Variants in NPTXR observed in about 807,000 individuals in gnomAD.
The protein encoded by NPTXR is neuronal pentraxin receptor.
NPTXR carries 12 observed loss-of-function variants against 32.2 expected under a neutral mutation model. The observed-to-expected ratio is 0.37, with a 90% CI of 0.24 to 0.60. NPTXR has a LOEUF of 0.60. NPTXR is among the 20% of genes least tolerant of loss of function. The pLI is 0.66. For synonymous variants in NPTXR, 323 were observed against 315.8 expected (o/e 1.02, Z -0.24); for missense variants, 612 against 682.9 (o/e 0.90, Z 1.16).
At chr22:38,832,515 A>G (rs554585463) in intron 1 of NPTXR, among the ~76,000 whole-genome samples, 1 of 152,230 alleles carries the variant, frequency 6.6e-6, no homozygotes, top group African/African-American at 2.4e-5. Flanking sequence ...TGCTGGGCTC[A>G]TTAGCACTCA....
chr22:38,833,465 T>A (rs1055751974), intron 1 of NPTXR, among the ~76,000 whole-genome samples: 1 of 152,202 alleles, frequency 6.6e-6, no homozygotes, highest in Non-Finnish European at 1.5e-5. Flanking sequence ...ACACCTGGGC[T>A]TCACCAGCTG....
Position 38,828,290 on chromosome 22 carries a change from G to A in NPTXR, c.847C>T (p.His283Tyr). ...CTCTGCAGGACCCAGGACCCACCGTGCTCCAGCTCAGCCACACGACCCTGC... is the reference window on the plus strand; with the variant it reads ...CTCTGCAGGACCCAGGACCCACCGTACTCCAGCTCAGCCACACGACCCTGC... The change falls in exon 2 of 5, where the codon CAC (histidine) becomes TAC (tyrosine). Residue 283 changes from histidine (H) to tyrosine (Y), a missense_variant. By Grantham distance (83) the His-to-Tyr change is moderately conservative. Transcript: ENST00000333039. 6.2e-7 allele frequency: 1 copy of A among 1,613,012 alleles called. No individual in the cohort carries two copies. Among genetic ancestry groups the A allele is most frequent in the Non-Finnish European group, 8.5e-7 (1 of 1,179,794 alleles).
Position 38,821,534 on chromosome 22 carries a change from C to T in NPTXR, c.*1075G>A, listed in dbSNP as rs899139222. The T allele has an allele frequency of 2.0e-5, 3 of 152,476 alleles. No individual in the cohort carries two copies. The highest frequency in any genetic ancestry group is 6.5e-5 in the Admixed American group (1 of 15,278). The allele number at this position is 152,476 out of a possible 1,614,324, so 9.4% of individuals were successfully genotyped here. A position where few individuals can be genotyped will look rare whatever the true frequency, so the allele number is the denominator to read the frequency against. The stretch of plus-strand genomic sequence containing the variant: ...CACACCCAATCTGGAGAGCAAATGA[C>T]CAAAGCGAGGGCCTCAGCTCACGAA... On this transcript the variant is annotated 3_prime_UTR_variant, in exon 5 of 5. Coordinates refer to ENST00000333039, the MANE Select transcript of NPTXR (RefSeq NM_014293.4).
intron 1 of NPTXR, among the ~76,000 whole-genome samples, chr22:38,830,390 G>A (rs183620418): frequency 1.6e-3 from 246 of 152,326 alleles, no homozygotes; most frequent in Non-Finnish European, 2.1e-3. Flanking sequence ...TGAATGGGAC[G>A]CTCTTGCTGC....
At position 38,819,249 on chromosome 22, in the gene NPTXR, T is replaced by C. The variant is rs916995129; in HGVS notation, c.*3360A>G. ...CCTTCCCTGCCCAGGACTCGGGAGATGCTCAGCTTCCTTTTCTTTTTTGGC... is the reference window on the plus strand; with the variant it reads ...CCTTCCCTGCCCAGGACTCGGGAGACGCTCAGCTTCCTTTTCTTTTTTGGC... On this transcript the variant is annotated 3_prime_UTR_variant, in exon 5 of 5. Coordinates refer to ENST00000333039, the MANE Select transcript of NPTXR (RefSeq NM_014293.4). 4 of 152,248 alleles carry C rather than the reference T, an allele frequency of 2.6e-5. No homozygotes were observed. Among genetic ancestry groups the C allele is most frequent in the Admixed American group, 1.3e-4 (2 of 15,292 alleles). The allele number at this position is 152,248 out of a possible 1,614,324, so 9.4% of individuals were successfully genotyped here.
intron 1 of NPTXR, among the ~76,000 whole-genome samples, chr22:38,838,792 A>T (rs1003874116): frequency 3.3e-5 from 5 of 151,948 alleles, no homozygotes; most frequent in Admixed American, 6.5e-5. Flanking sequence ...CGTGTTAGCC[A>T]GGATGGTCTC....
chr22:38,829,389 G>A (rs77237815), intron 1 of NPTXR, among the ~76,000 whole-genome samples: 32 of 152,302 alleles, frequency 2.1e-4, no homozygotes, highest in Admixed American at 1.4e-3. Flanking sequence ...CAGGAGCTGG[G>A]AGGGTTTCCT....
rs1046890619 is a variant in NPTXR, at chr22:38,843,109, C to T, written c.624+126G>A. On this transcript the variant is annotated intron_variant, in intron 1 of 4. Coordinates refer to ENST00000333039, the MANE Select transcript of NPTXR (RefSeq NM_014293.4). This position sits in a 1 kb window ranked among gnomAD's most constrained non-coding sequence, Gnocchi z 5.3. The stretch of plus-strand genomic sequence containing the variant: ...TATCGAAATCCCCCCGCCTCGCCAG[C>T]GAGGAAGGCGCGATCGTCCCCGGAA... 2 of 995,318 alleles carry T rather than the reference C, an allele frequency of 2.0e-6. No homozygotes were observed. Among genetic ancestry groups the T allele is most frequent in the Non-Finnish European group, 1.3e-6 (1 of 775,290 alleles). 61.7% of individuals were successfully genotyped at this position (995,318 alleles called of 1,614,324 possible). A position where few individuals can be genotyped will look rare whatever the true frequency, so the allele number is the denominator to read the frequency against.
At chr22:38,839,293 G>T (rs758779928) in intron 1 of NPTXR, among the ~76,000 whole-genome samples, 13 of 152,210 alleles carry the variant, frequency 8.5e-5, no homozygotes, top group Non-Finnish European at 1.9e-4. Context: ...CACATGCATG[G>T]CCTGTAGCCG....
intron 1 of NPTXR, among the ~76,000 whole-genome samples, chr22:38,837,334 A>T (rs1185237543): frequency 6.6e-6 from 1 of 152,188 alleles, no homozygotes; most frequent in Non-Finnish European, 1.5e-5. Context: ...ACATCCTCCA[A>T]CCAAAGCCCA....
chr22:38,843,811 G>C lies in NPTXR; in HGVS notation c.48C>G (p.Leu16=). The C allele has an allele frequency of 1.2e-5, 12 of 1,014,676 alleles. No homozygotes were observed. Among genetic ancestry groups the C allele is most frequent in the Non-Finnish European group, 1.4e-5 (12 of 851,562 alleles). The allele number at this position is 1,014,676 out of a possible 1,614,324, so 62.9% of individuals were successfully genotyped here. A position where few individuals can be genotyped will look rare whatever the true frequency, so the allele number is the denominator to read the frequency against. The change falls in exon 1 of 5, where the codon CTC becomes CTG. Residue 16 remains leucine (L), a synonymous_variant. Coordinates refer to ENST00000333039, the MANE Select transcript of NPTXR (RefSeq NM_014293.4). This position sits in a 1 kb window ranked among gnomAD's most constrained non-coding sequence, Gnocchi z 5.3. ...TGGCGATGATGCAGATGACGGCACC[G>C]AGGAACGCCAGCATGCCCGCGGCCA...
At chr22:38,842,686 T>C (rs1568988162) in intron 1 of NPTXR, among the ~76,000 whole-genome samples, 3 of 151,718 alleles carry the variant, frequency 2.0e-5, no homozygotes, top group Admixed American at 6.6e-5. Flanking sequence ...TGAGCCAGAG[T>C]GGGAGATTCA....
intron 1 of NPTXR, among the ~76,000 whole-genome samples, chr22:38,838,675 G>A (rs894175500): frequency 4.0e-5 from 6 of 150,518 alleles, no homozygotes; most frequent in African/African-American, 7.4e-5. Flanking sequence ...TCCGCGTCCC[G>A]GGTTCACGTC....
chr22:38,837,160 G>T (rs955748185), intron 1 of NPTXR, among the ~76,000 whole-genome samples: 10 of 152,220 alleles, frequency 6.6e-5, no homozygotes, highest in African/African-American at 2.4e-4. Flanking sequence ...CTGAGGCTGA[G>T]AAAGTTAAGC....
rs753857826 is a variant in NPTXR at position 38,826,646 on chromosome 22, C to T, written c.952G>A (p.Ala318Thr). 8.1e-6 allele frequency: 13 copies of T among 1,613,902 alleles called. No individual in the cohort carries two copies. Among genetic ancestry groups the T allele is most frequent in the South Asian group, 3.3e-5 (3 of 91,082 alleles). ...CGCAGCCACATGCAGGCGGTGAATGCGTAGAGCTCGGGCAGAGCCTTCCGC... is the reference window on the plus strand; with the variant it reads ...CGCAGCCACATGCAGGCGGTGAATGTGTAGAGCTCGGGCAGAGCCTTCCGC... Residue 318 changes from alanine (A) to threonine (T), a missense_variant, in exon 3 of 5, where the codon GCA (alanine) becomes ACA (threonine). Ala to Thr is a moderately conservative substitution (Grantham distance 58). Transcript: ENST00000333039.
intron 1 of NPTXR, among the ~76,000 whole-genome samples, chr22:38,837,346 TAGC>T (rs1333223711): frequency 2.6e-5 from 4 of 152,286 alleles, no homozygotes; most frequent in Non-Finnish European, 5.9e-5. Flanking sequence ...CAAAGCCCAA[TAGC>T]AGAAGCCCTC....
At chr22:38,833,969 G>A (rs1392166645) in intron 1 of NPTXR, among the ~76,000 whole-genome samples, 1 of 152,182 alleles carries the variant, frequency 6.6e-6, no homozygotes, top group African/African-American at 2.4e-5. Context: ...AGGGGCCTGG[G>A]TAGTAGTATT....
intron 1 of NPTXR, among the ~76,000 whole-genome samples, chr22:38,837,620 C>T (rs1375372110): frequency 6.6e-6 from 1 of 152,050 alleles, no homozygotes; most frequent in Non-Finnish European, 1.5e-5. Context: ...CACATGTACC[C>T]CCATAAACAC....
chr22:38,843,367 G>A lies in NPTXR; in HGVS notation c.492C>T (p.Gly164=). ...CGGCGCCCTGGAGGCCGCGCGGCAG[G>A]CCGCTCTCGCAGCGGCCCAGCTTGC... The change falls in exon 1 of 5, where the codon GGC becomes GGT. Residue 164 remains glycine (G), a synonymous_variant. Coordinates refer to ENST00000333039, the MANE Select transcript of NPTXR (RefSeq NM_014293.4). This position sits in a 1 kb window ranked among gnomAD's most constrained non-coding sequence, Gnocchi z 5.3. 2 of 1,410,322 alleles carry A rather than the reference G, an allele frequency of 1.4e-6. No individual in the cohort carries two copies. Among genetic ancestry groups the A allele is most frequent in the Non-Finnish European group, 1.8e-6 (2 of 1,090,464 alleles). The allele number at this position is 1,410,322 out of a possible 1,614,324, so 87.4% of individuals were successfully genotyped here.
Sources: gnomAD v4.1 joint callset for allele counts (sites outside exome capture counted in the v4.1 genomes callset) on GRCh38, gnomAD v4.1.1 for gene constraint, Gnocchi (gnomAD v3.1) non-coding constraint, MANE v1.5 for transcripts, NCBI Gene and HGNC (gene_info 2026-07-23, HGNC 2026-07-21) for gene names.